SYT10: variants seen among roughly 807,000 people sequenced by gnomAD.
SYT10 encodes synaptotagmin 10, also known as synaptotagmin-10.
A neutral mutation model predicts 51.1 loss-of-function variants in SYT10; 31 were observed. That is an observed-to-expected ratio of 0.61 (90% CI 0.46 to 0.82). SYT10 has a LOEUF of 0.82. SYT10 is among the 40% of genes least tolerant of loss of function. The pLI, the probability that SYT10 is intolerant of heterozygous loss-of-function variation, is 0.00. For missense variants in SYT10, 603 were observed against 634.0 expected (o/e 0.95, Z 0.53); for synonymous variants, 233 against 225.9 (o/e 1.03, Z -0.28).
chr12:33,389,973 C>T (rs1379254893), intron 3 of SYT10, among the ~76,000 whole-genome samples: 1 of 152,246 alleles, frequency 6.6e-6, no homozygotes, highest in African/African-American at 2.4e-5. Flanking sequence ...CTTAACCTCA[C>T]TTGACCTCAG....
At chr12:33,390,736 T>C (rs1866197845) in intron 3 of SYT10, among the ~76,000 whole-genome samples, 1 of 152,202 alleles carries the variant, frequency 6.6e-6, no homozygotes, top group Non-Finnish European at 1.5e-5. Context: ...TCATGTTTAC[T>C]GAGTGCATAA....
chr12:33,435,185 A>T (rs2389198), intron 1 of SYT10, among the ~76,000 whole-genome samples: 18,174 of 152,228 alleles, frequency 0.12, 1,194 homozygotes, highest in Admixed American at 0.17. Flanking sequence ...TTGGTATACA[A>T]AATCATTCAT....
intron 3 of SYT10, among the ~76,000 whole-genome samples, chr12:33,391,939 A>G (rs145491961): frequency 1.3e-5 from 2 of 152,308 alleles, no homozygotes; most frequent in East Asian, 3.9e-4. Context: ...AAAACAAGTG[A>G]CGAAGACACT....
chr12:33,422,377 T>C (rs1338160894), intron 2 of SYT10, among the ~76,000 whole-genome samples: 1 of 152,118 alleles, frequency 6.6e-6, no homozygotes, highest in African/African-American at 2.4e-5. Context: ...TTTATTACAC[T>C]TGAACATAAT....
In SYT10 at chr12:33,426,382, C is replaced by T. The variant is rs772632421; in HGVS notation, c.265G>A (p.Val89Met). The stretch of plus-strand genomic sequence containing the variant: ...GGAAGCGTAGTGATGTTGGAAGTCA[C>T]AGGTTTGCTTTTCCAGCATGGCCAA... The part of the protein sequence containing the change: ...LCWPCWKSKP[V>M]TSNITTLPQS... The change falls in exon 2 of 7, where the codon GTG (valine) becomes ATG (methionine). Residue 89 changes from valine to methionine, a missense_variant. Transcript: ENST00000228567. 1 of 1,614,072 alleles carries T rather than the reference C, an allele frequency of 6.2e-7. No homozygotes were observed. The highest frequency in any genetic ancestry group is 1.1e-5 in the South Asian group (1 of 91,084).
intron 3 of SYT10, among the ~76,000 whole-genome samples, chr12:33,385,583 T>C (rs1052049166): frequency 1.3e-5 from 2 of 152,184 alleles, no homozygotes; most frequent in Non-Finnish European, 2.9e-5. Context: ...TCTGTCAGTG[T>C]TTCCGCAATC....
intron 2 of SYT10, 142 bp downstream of exon 2, chr12:33,425,996 C>T (rs1866547502): frequency 2.4e-6 from 2 of 817,518 alleles, no homozygotes; most frequent in African/African-American, 1.7e-5. Context: ...TATCTATTTC[C>T]TATGTCTTTC....
chr12:33,430,902 T>C (rs1866591619), intron 1 of SYT10, among the ~76,000 whole-genome samples: 1 of 152,270 alleles, frequency 6.6e-6, no homozygotes, highest in Admixed American at 6.5e-5. Flanking sequence ...ATTATAATAA[T>C]TAGGGCATGC....
chr12:33,417,564 C>T (rs1413915834), intron 2 of SYT10, among the ~76,000 whole-genome samples: 7 of 152,202 alleles, frequency 4.6e-5, no homozygotes, highest in Non-Finnish European at 8.8e-5. Flanking sequence ...TGTATCAACA[C>T]AATAGTCTTG....
chr12:33,385,437 G>T, intron 3 of SYT10, 146 bp from the exon 4 acceptor site: 1 of 1,187,890 alleles, frequency 8.4e-7, no homozygotes, highest in Non-Finnish European at 1.1e-6. Flanking sequence ...TATTCTGAAT[G>T]CAGTAAGCAA....
chr12:33,419,866 A>G (rs1299945861), intron 2 of SYT10, among the ~76,000 whole-genome samples: 5 of 152,216 alleles, frequency 3.3e-5, no homozygotes, highest in Non-Finnish European at 7.3e-5. Context: ...TGAAGCCTTA[A>G]ACATTAAAAA....
intron 1 of SYT10, among the ~76,000 whole-genome samples, chr12:33,436,374 A>G (rs886811361): frequency 3.3e-5 from 5 of 152,178 alleles, no homozygotes; most frequent in Non-Finnish European, 7.4e-5. Flanking sequence ...AAAAAGACTC[A>G]AAATATCTGA....
chr12:33,395,172 G>A (rs1217290993), intron 3 of SYT10, among the ~76,000 whole-genome samples: 2 of 152,158 alleles, frequency 1.3e-5, no homozygotes, highest in African/African-American at 4.8e-5. Flanking sequence ...TGTTTTTGTG[G>A]TCTTAGATTT....
In SYT10 at chr12:33,427,109, A is replaced by T. The variant is rs551500199; in HGVS notation, c.152-614T>A. Among the ~76,000 whole-genome samples, 7 of 152,108 alleles carry T rather than the reference A, an allele frequency of 4.6e-5. No individual in the cohort carries two copies. The East Asian group carries it at 1.4e-3, about 29-fold the overall frequency. On this transcript the variant is annotated intron_variant, in intron 1 of 6. Coordinates refer to ENST00000228567, the MANE Select transcript of SYT10 (RefSeq NM_198992.4). ...ATTAATGAATTGTGCTATGGCCTGA[A>T]TTTTTGTATCACTCCCAAAATTCAT...
chr12:33,403,482 C>T (rs902256557), intron 3 of SYT10, among the ~76,000 whole-genome samples: 2 of 152,030 alleles, frequency 1.3e-5, no homozygotes, highest in African/African-American at 4.8e-5. Flanking sequence ...TGATCCACCC[C>T]CCTCAGCCTC....
Position 33,374,343 on chromosome 12 carries a change from T to C in SYT10, c.*2487A>G, listed in dbSNP as rs756510776. The stretch of plus-strand genomic sequence containing the variant: ...CTGCAGCTTCATAATGTGTCAGTAC[T>C]GTCATTAAAATGTGATGTCCCACAC... On this transcript the variant is annotated 3_prime_UTR_variant, in exon 7 of 7. Transcript: ENST00000228567. 22 of 151,964 alleles carry C rather than the reference T, an allele frequency of 1.4e-4. No homozygotes were observed. Among genetic ancestry groups the C allele is most frequent in the Non-Finnish European group, 2.8e-4 (19 of 67,888 alleles). 9.4% of individuals were successfully genotyped at this position (151,964 alleles called of 1,614,324 possible). A position where few individuals can be genotyped will look rare whatever the true frequency, so the allele number is the denominator to read the frequency against.
At position 33,382,452 on chromosome 12, in the gene SYT10, T is replaced by C. The variant is rs1866124002; in HGVS notation, c.1267A>G (p.Lys423Glu). The C allele has an allele frequency of 6.2e-7, 1 of 1,613,274 alleles. No homozygotes were observed. Among genetic ancestry groups the C allele is most frequent in the Non-Finnish European group, 8.5e-7 (1 of 1,179,596 alleles). The change falls in exon 5 of 7, where the codon AAA becomes GAA. Residue 423 changes from lysine (K) to glutamate (E), a missense_variant. Coordinates refer to ENST00000228567, the MANE Select transcript of SYT10 (RefSeq NM_198992.4). ...TTGTACACAGGGTTTAGAGTGTTTT[T>C]CTTTGTAGTTGTTTTCCTCTTTTTT... is the stretch of plus-strand genomic sequence containing the variant. ...RLKKRKTTTK[K>E]NTLNPVYNEA...
At chr12:33,426,848 T>C (rs1379137039) in intron 1 of SYT10, among the ~76,000 whole-genome samples, 12 of 152,162 alleles carry the variant, frequency 7.9e-5, no homozygotes, top group African/African-American at 2.7e-4. Context: ...CTGCACACAA[T>C]AGGAAACTCT....
chr12:33,386,096 T>C (rs1205804367), intron 3 of SYT10, among the ~76,000 whole-genome samples: 1 of 152,076 alleles, frequency 6.6e-6, no homozygotes, highest in Non-Finnish European at 1.5e-5. Context: ...TGACCTCGGC[T>C]CACTGCAGCC....
Sources: allele counts gnomAD v4.1 joint callset (sites outside exome capture counted in the v4.1 genomes callset), GRCh38; gene constraint gnomAD v4.1.1; transcripts MANE v1.5; gene names NCBI Gene and HGNC (gene_info 2026-07-23, HGNC 2026-07-21).